SAMD12: variants seen among roughly 807,000 people sequenced by gnomAD.
SAMD12 encodes sterile alpha motif domain containing 12, also known as sterile alpha motif domain-containing protein 12.
Under a neutral mutation model 15.0 loss-of-function variants are expected in SAMD12, and 9 were observed. The observed-to-expected ratio is 0.60, with a 90% CI of 0.36 to 1.05. SAMD12 has a LOEUF of 1.05. Ranked by LOEUF, SAMD12 falls within the 50% of genes least tolerant of loss-of-function variation. SAMD12 has a pLI of 0.01. For missense variants in SAMD12, 230 were observed against 234.2 expected, an observed-to-expected ratio of 0.98 and a Z score of 0.12; for synonymous variants, 86 against 90.1, an observed-to-expected ratio of 0.96 and a Z score of 0.25.
intron 1 of SAMD12, among the ~76,000 whole-genome samples, chr8:118,609,922 C>A (rs1488495183): frequency 6.6e-6 from 1 of 152,184 alleles, no homozygotes; most frequent in East Asian, 1.9e-4. Flanking sequence ...CATGTCCCAA[C>A]CTGTTTTGCC....
intron 3 of SAMD12, among the ~76,000 whole-genome samples, chr8:118,424,774 T>C (rs1366724935): frequency 6.6e-6 from 1 of 152,068 alleles, no homozygotes; most frequent in Non-Finnish European, 1.5e-5. Flanking sequence ...CAATAACACA[T>C]GACATCAGGC....
chr8:118,166,869 T>C, the SAMD12 span, among the ~76,000 whole-genome samples: 9 of 152,142 alleles, frequency 5.9e-5, no homozygotes, highest in Non-Finnish European at 1.2e-4. Flanking sequence ...TATATCTGGG[T>C]GTCTCTAGGA....
chr8:118,142,251 CGAAATGACATTAACCTTTTAA>C, the SAMD12 span, among the ~76,000 whole-genome samples: 1 of 152,100 alleles, frequency 6.6e-6, no homozygotes, highest in East Asian at 1.9e-4. Flanking sequence ...AGCCATAAAC[CGAAATGACATTAACCTTTTAA>C]GAATCAATCT....
intron 2 of SAMD12, among the ~76,000 whole-genome samples, chr8:118,571,632 G>C (rs1187793235): frequency 6.6e-6 from 1 of 152,164 alleles, no homozygotes; most frequent in African/African-American, 2.4e-5. Flanking sequence ...TAGCTGAAAG[G>C]AGCCAACACA....
intron 1 of SAMD12, among the ~76,000 whole-genome samples, chr8:118,608,570 C>T (rs1026368248): frequency 1.3e-5 from 2 of 152,100 alleles, no homozygotes; most frequent in African/African-American, 4.8e-5. Flanking sequence ...ATGGCATGAT[C>T]TTGGCTCACT....
chr8:118,246,641 A>G (rs1812704548), intron 4 of SAMD12, among the ~76,000 whole-genome samples: 1 of 152,126 alleles, frequency 6.6e-6, no homozygotes, highest in African/African-American at 2.4e-5. Context: ...TATCATTTCA[A>G]GGAGATATAA....
intron 4 of SAMD12, among the ~76,000 whole-genome samples, chr8:118,349,515 A>G (rs13274597): frequency 0.25 from 38,034 of 152,130 alleles, 5,004 homozygotes; most frequent in Admixed American, 0.29. Flanking sequence ...ATTCTCACAG[A>G]TATTTCCTGC....
the SAMD12 span, among the ~76,000 whole-genome samples, chr8:118,133,528 T>G: frequency 2.0e-5 from 3 of 152,174 alleles, no homozygotes; most frequent in Non-Finnish European, 2.9e-5. Flanking sequence ...AATCCCGAGA[T>G]GGAGGCAACA....
chr8:118,326,379 G>C (rs73323654), intron 4 of SAMD12, among the ~76,000 whole-genome samples: 1 of 152,036 alleles, frequency 6.6e-6, no homozygotes, highest in East Asian at 1.9e-4. Flanking sequence ...TTAGGGGAAG[G>C]CTTGGGGAAG....
chr8:118,322,523 C>T (rs1336108783), intron 4 of SAMD12, among the ~76,000 whole-genome samples: 4 of 152,204 alleles, frequency 2.6e-5, no homozygotes, highest in African/African-American at 4.8e-5. Context: ...AAGCCAAACA[C>T]ATTACTTACA....
At chr8:118,402,756 C>T (rs944732142) in intron 3 of SAMD12, among the ~76,000 whole-genome samples, 6 of 152,126 alleles carry the variant, frequency 3.9e-5, no homozygotes, top group East Asian at 1.9e-4. Flanking sequence ...AAAGAACAGA[C>T]GCTGGCATTC....
chr8:118,512,266 A>C (rs12677721), intron 2 of SAMD12, among the ~76,000 whole-genome samples: 96,711 of 152,002 alleles, frequency 0.64, 31,033 homozygotes, highest in South Asian at 0.71. Context: ...ATGCAGAGAT[A>C]GCACCAGAAA....
At chr8:118,483,688 C>T (rs2515034) in intron 2 of SAMD12, among the ~76,000 whole-genome samples, 143,009 of 152,292 alleles carry the variant, frequency 0.94, 67,230 homozygotes, top group African/African-American at 0.95. Context: ...ATGAAGAAAG[C>T]ACACAATTAT....
At chr8:118,618,838 CAA>C (rs34748614) in intron 1 of SAMD12, among the ~76,000 whole-genome samples, 6 of 118,814 alleles carry the variant, frequency 5.0e-5, no homozygotes, top group Admixed American at 8.2e-5. Context: ...GACTCCGTCT[CAA>C]AAAAAAAAAA....
the SAMD12 span, among the ~76,000 whole-genome samples, chr8:118,139,192 G>A: frequency 6.6e-6 from 1 of 151,010 alleles, no homozygotes; most frequent in South Asian, 2.1e-4. Flanking sequence ...ACCAGAGATT[G>A]GTGTCAGGGT....
chr8:118,399,783 C>T (rs751683723), intron 3 of SAMD12, among the ~76,000 whole-genome samples: 5 of 152,184 alleles, frequency 3.3e-5, no homozygotes, highest in Non-Finnish European at 5.9e-5. Flanking sequence ...GGCAGGGTTT[C>T]ACTGGGTCAA....
In SAMD12 at chr8:118,455,677, C is replaced by T. The variant is rs1823226303; in HGVS notation, c.193-15716G>A. On this transcript the variant is annotated intron_variant, in intron 2 of 3. Transcript: ENST00000314727. Reference sequence around the variant, plus strand: ...CTACTCGATATCCCACTTGGCTGTCCAACAAACAGAACTTTCAAACTTAAC... The same window carrying T: ...CTACTCGATATCCCACTTGGCTGTCTAACAAACAGAACTTTCAAACTTAAC... 2.0e-5 allele frequency among the ~76,000 whole-genome samples: 3 copies of T among 152,180 alleles called. No individual in the cohort carries two copies. The South Asian group carries it at 6.2e-4, about 32-fold the overall frequency.
rs553523452 is a variant in SAMD12, at chr8:118,392,518, A to G, written c.323-12818T>C. 2.6e-5 allele frequency among the ~76,000 whole-genome samples: 4 copies of G among 152,344 alleles called. No individual in the cohort carries two copies. In the South Asian group the frequency reaches 8.3e-4, roughly 32 times the overall value. ...CCTAAAGAAAGGTAAGAGGTCACCCAAGACCCTATGGGGAGCTGTGTAGCT... is the reference window on the plus strand; with the variant it reads ...CCTAAAGAAAGGTAAGAGGTCACCCGAGACCCTATGGGGAGCTGTGTAGCT... On this transcript the variant is annotated intron_variant, in intron 3 of 3. Transcript: ENST00000314727.
At chr8:118,390,175 GT>G (rs199998575) in intron 3 of SAMD12, among the ~76,000 whole-genome samples, 28,228 of 151,758 alleles carry the variant, frequency 0.19, 2,966 homozygotes, top group Non-Finnish European at 0.21. Flanking sequence ...CCTGGATAAT[GT>G]TTTTGTATTT....
Sources: allele counts gnomAD v4.1 joint callset (sites outside exome capture counted in the v4.1 genomes callset), GRCh38; gene constraint gnomAD v4.1.1; transcripts MANE v1.5; gene names NCBI Gene and HGNC (gene_info 2026-07-23, HGNC 2026-07-21).